ANKRD30BL: variants seen among roughly 807,000 people sequenced by gnomAD.
ANKRD30BL encodes putative ankyrin repeat domain-containing protein 30B-like.
ANKRD30BL carries 20 observed loss-of-function variants against 18.4 expected under a neutral mutation model. That is an observed-to-expected ratio of 1.09 (90% CI 0.77 to 1.58). The LOEUF is 1.58. ANKRD30BL is among the 40% of genes most tolerant of loss of function. The pLI is 0.00. For missense variants in ANKRD30BL, 224 were observed against 268.6 expected, an observed-to-expected ratio of 0.83 and a Z score of 1.16; for synonymous variants, 72 against 100.9, an observed-to-expected ratio of 0.71 and a Z score of 1.72.
At chr2:132,247,862 T>C (rs1648516971) in intron 1 of ANKRD30BL, among the ~76,000 whole-genome samples, 1 of 152,056 alleles carries the variant, frequency 6.6e-6, no homozygotes, top group South Asian at 2.1e-4. Flanking sequence ...GTTTCTACAC[T>C]GTGAGAGTAA....
chr2:132,238,695 C>CT (rs1232833050), intron 1 of ANKRD30BL, among the ~76,000 whole-genome samples: 1 of 151,888 alleles, frequency 6.6e-6, no homozygotes, highest in Non-Finnish European at 1.5e-5. Context: ...TTGAACCTTT[C>CT]TTTTGATAGA....
intron 1 of ANKRD30BL, among the ~76,000 whole-genome samples, chr2:132,249,834 G>A (rs1448556423): frequency 6.6e-6 from 1 of 152,060 alleles, no homozygotes; most frequent in African/African-American, 2.4e-5. Flanking sequence ...TTCACCACAG[G>A]CCTCAAACTG....
At chr2:132,231,214 C>A (rs577518318) in intron 1 of ANKRD30BL, among the ~76,000 whole-genome samples, 1 of 152,180 alleles carries the variant, frequency 6.6e-6, no homozygotes. Context: ...TTGTATTCAA[C>A]TCACAGAGTT....
chr2:132,247,801 C>G (rs1231831065), intron 1 of ANKRD30BL, among the ~76,000 whole-genome samples: 2 of 151,616 alleles, frequency 1.3e-5, no homozygotes, highest in Non-Finnish European at 3.0e-5. Context: ...ACAAATATCC[C>G]TATGCAGATA....
rs1235302815 is a variant in ANKRD30BL at position 132,198,320 on chromosome 2, C to CTTT, written n.442-41177_442-41175dup. Among the ~76,000 whole-genome samples, 72 of 10,592 alleles carry CTTT rather than the reference C, an allele frequency of 6.8e-3. 2 individuals are homozygous for CTTT. The highest frequency in any genetic ancestry group is 0.014 in the African/African-American group (68 of 4,948). 6.9% of individuals were successfully genotyped at this position (10,592 alleles called of 152,430 possible). A position where few individuals can be genotyped will look rare whatever the true frequency, so the allele number is the denominator to read the frequency against. ...TCTTTCTTTCTTTCTTTCTTTCTTT[C>CTTT]TTTCTTTTTTTTTTTTTTTTTTAGA... On this transcript the variant is annotated intron_variant and non_coding_transcript_variant, in intron 1 of 4. Coordinates refer to the ANKRD30BL transcript ENST00000470729.
chr2:132,221,103 A>G (rs1679662938), intron 1 of ANKRD30BL, among the ~76,000 whole-genome samples: 1 of 142,118 alleles, frequency 7.0e-6, no homozygotes, highest in East Asian at 2.1e-4. Context: ...CCCGTCTGAG[A>G]AGTGAGGAGC....
intron 1 of ANKRD30BL, among the ~76,000 whole-genome samples, chr2:132,252,727 C>A (rs2104810539): frequency 6.6e-6 from 1 of 152,136 alleles, no homozygotes; most frequent in East Asian, 1.9e-4. Flanking sequence ...CCTCCCAACC[C>A]CCAACAAGCC....
At chr2:132,229,791 C>G (rs1342262504) in intron 1 of ANKRD30BL, among the ~76,000 whole-genome samples, 1 of 152,078 alleles carries the variant, frequency 6.6e-6, no homozygotes, top group Non-Finnish European at 1.5e-5. Context: ...AAGGAAATAT[C>G]TTCACATAAA....
intron 1 of ANKRD30BL, among the ~76,000 whole-genome samples, chr2:132,202,588 G>A (rs949857640): frequency 2.0e-5 from 3 of 151,740 alleles, no homozygotes; most frequent in Non-Finnish European, 2.9e-5. Context: ...TTATATAAAT[G>A]TGATATAACC....
rs965438977 is a variant in ANKRD30BL at position 132,201,275 on chromosome 2, C to A, written n.442-44129G>T. On this transcript the variant is annotated intron_variant and non_coding_transcript_variant, in intron 1 of 4. Coordinates refer to the ANKRD30BL transcript ENST00000470729. Reference sequence around the variant, plus strand: ...CTAAAACACCAAAAGCAATGGCAACCAAAGCCAACATTGACAAATGGGATC... The same window carrying A: ...CTAAAACACCAAAAGCAATGGCAACAAAAGCCAACATTGACAAATGGGATC... Among the ~76,000 whole-genome samples the A allele has an allele frequency of 6.4e-3, 968 of 152,172 alleles. 4 individuals are homozygous for A. Among genetic ancestry groups the A allele is most frequent in the Non-Finnish European group, 8.5e-3 (579 of 68,004 alleles).
chr2:132,150,228 A>G (rs1687721687), intron 5 of ANKRD30BL, among the ~76,000 whole-genome samples: 1 of 126,806 alleles, frequency 7.9e-6, no homozygotes. Context: ...TACAATAAAG[A>G]AACAAACAAA....
intron 1 of ANKRD30BL, among the ~76,000 whole-genome samples, chr2:132,231,481 C>T (rs563802258): frequency 3.6e-4 from 55 of 152,312 alleles, no homozygotes; most frequent in Admixed American, 6.5e-4. Context: ...AGTGGGTGCA[C>T]GCACCGTGCA....
chr2:132,149,813 A>C (rs1214127251), intron 5 of ANKRD30BL, among the ~76,000 whole-genome samples: 1 of 152,190 alleles, frequency 6.6e-6, no homozygotes, highest in Non-Finnish European at 1.5e-5. Context: ...GGCAATGAGA[A>C]TGAAGTCCTT....
intron 1 of ANKRD30BL, among the ~76,000 whole-genome samples, chr2:132,256,413 AG>A (rs1194652020): frequency 6.6e-6 from 1 of 152,148 alleles, no homozygotes; most frequent in East Asian, 1.9e-4. Flanking sequence ...CCCATGTGCG[AG>A]GAGGCCGACC....
intron 1 of ANKRD30BL, among the ~76,000 whole-genome samples, chr2:132,231,616 T>C (rs1178351831): frequency 2.6e-5 from 4 of 152,046 alleles, no homozygotes; most frequent in African/African-American, 9.7e-5. Context: ...CACCCGAATA[T>C]AGCGCTTTTC....
At chr2:132,162,676 A>AGAGGCTGCAGGGCTGAGCCCG (rs1688106560), upstream of ANKRD30BL, among the ~76,000 whole-genome samples, 1 of 151,578 alleles carries the variant, frequency 6.6e-6, no homozygotes, top group African/African-American at 2.4e-5. Flanking sequence ...AGCTGAGCCC[A>AGAGGCTGCAGGGCTGAGCCCG]CGGTAGAGGC....
At chr2:132,164,335 G>T (rs577947730), upstream of ANKRD30BL, among the ~76,000 whole-genome samples, 6 of 147,518 alleles carry the variant, frequency 4.1e-5, no homozygotes, top group Middle Eastern at 7.1e-3. Context: ...CCCAGGCTGA[G>T]GCTGGAGTGC....
At chr2:132,256,864 G>A (rs538095774) in intron 1 of ANKRD30BL, 3 of 437,144 alleles carry the variant, frequency 6.9e-6, no homozygotes, top group East Asian at 7.3e-5. Context: ...TGAGCCGCTC[G>A]GGGAGAGAGG....
chr2:132,236,826 G>A (rs568359256), intron 1 of ANKRD30BL, among the ~76,000 whole-genome samples: 5 of 151,790 alleles, frequency 3.3e-5, no homozygotes, highest in African/African-American at 9.7e-5. Context: ...ACATGCACAC[G>A]TATGTTTATT....
Sources: allele counts gnomAD v4.1 joint callset (sites outside exome capture counted in the v4.1 genomes callset), GRCh38; gene constraint gnomAD v4.1.1; transcripts MANE v1.5; gene names NCBI Gene and HGNC (gene_info 2026-07-23, HGNC 2026-07-21).